The following NSMCE2 variants were observed in gnomAD, a reference collection of about 807,000 sequenced individuals.
NSMCE2 encodes E3 SUMO-protein ligase NSE2.
A neutral mutation model predicts 23.8 loss-of-function variants in NSMCE2; 24 were observed. That is an observed-to-expected ratio of 1.01 (90% confidence interval 0.73 to 1.42). The LOEUF is 1.42. Ranked by LOEUF, NSMCE2 falls within the 40% of genes most tolerant of loss-of-function variation. The pLI, the probability that NSMCE2 is intolerant of heterozygous loss-of-function variation, is 0.00. For missense variants in NSMCE2, 284 were observed against 296.5 expected (o/e 0.96, Z 0.31); for synonymous variants, 92 against 94.1 (o/e 0.98, Z 0.13).
At chr8:125,128,450 A>G (rs1306496836) in intron 3 of NSMCE2, among the ~76,000 whole-genome samples, 2 of 152,184 alleles carry the variant, frequency 1.3e-5, no homozygotes, top group Admixed American at 1.3e-4. Flanking sequence ...AAATTGAGGA[A>G]AAGGAAGAAG....
chr8:125,170,279 T>C (rs1174322210), intron 4 of NSMCE2, among the ~76,000 whole-genome samples: 1 of 151,630 alleles, frequency 6.6e-6, no homozygotes, highest in African/African-American at 2.4e-5. Flanking sequence ...AGTATTACTA[T>C]TCCATTTTTA....
At chr8:125,249,994 T>C (rs1826136848) in intron 5 of NSMCE2, among the ~76,000 whole-genome samples, 1 of 152,192 alleles carries the variant, frequency 6.6e-6, no homozygotes, top group African/African-American at 2.4e-5. Context: ...TACTTATTCA[T>C]TTATTTATTT....
At chr8:125,107,188 CTTTTTTT>C (rs71295817) in intron 3 of NSMCE2, among the ~76,000 whole-genome samples, 2 of 120,032 alleles carry the variant, frequency 1.7e-5, no homozygotes, top group African/African-American at 3.3e-5. Flanking sequence ...CAAGGACATT[CTTTTTTT>C]TTTTTTTTTT....
At chr8:125,153,704 G>C (rs1023592884) in intron 4 of NSMCE2, among the ~76,000 whole-genome samples, 1 of 152,138 alleles carries the variant, frequency 6.6e-6, no homozygotes, top group Non-Finnish European at 1.5e-5. Flanking sequence ...TTTTTTGTCT[G>C]TGAAATTCCT....
chr8:125,353,478 A>C (rs1175938507), intron 5 of NSMCE2, among the ~76,000 whole-genome samples: 1 of 152,188 alleles, frequency 6.6e-6, no homozygotes, highest in Middle Eastern at 3.2e-3. Context: ...TGCACTATGA[A>C]TACCAAAGAC....
rs368633157 is a variant in NSMCE2, at chr8:125,284,700, A to AC, written c.419-72519_419-72518insC. ...TGTTCAGTACTTGAATCTGAATCTA[A>AC]AGAGAGGGCTTTATTGGATCACTAT... On this transcript the variant is annotated intron_variant, in intron 5 of 7. Coordinates refer to ENST00000287437, the MANE Select transcript of NSMCE2 (RefSeq NM_173685.4). Among the ~76,000 whole-genome samples, 666 of 152,348 alleles carry AC rather than the reference A, an allele frequency of 4.4e-3. 3 individuals carry two copies. The highest frequency in any genetic ancestry group is 0.015 in the African/African-American group (640 of 41,580).
chr8:125,326,445 A>G (rs948894480), intron 5 of NSMCE2, among the ~76,000 whole-genome samples: 3 of 152,050 alleles, frequency 2.0e-5, no homozygotes, highest in Admixed American at 6.6e-5. Context: ...GTCTATTTAC[A>G]TATATGTATA....
chr8:125,096,630 A>T (rs1817946288), intron 1 of NSMCE2, among the ~76,000 whole-genome samples: 1 of 118,844 alleles, frequency 8.4e-6, no homozygotes, highest in African/African-American at 3.2e-5. Flanking sequence ...TACTGTGTGG[A>T]ATCCTTTTTT....
chr8:125,265,041 A>G (rs1027492087), intron 5 of NSMCE2, among the ~76,000 whole-genome samples: 1 of 152,072 alleles, frequency 6.6e-6, no homozygotes, highest in African/African-American at 2.4e-5. Flanking sequence ...TAATCAAGTA[A>G]TATTTTATGT....
At chr8:125,280,006 A>T (rs1827630454) in intron 5 of NSMCE2, among the ~76,000 whole-genome samples, 3 of 152,122 alleles carry the variant, frequency 2.0e-5, no homozygotes, top group Non-Finnish European at 4.4e-5. Flanking sequence ...TTCCTTTTGG[A>T]CTATAAATTC....
chr8:125,114,816 A>AC (rs1818920352), intron 3 of NSMCE2, among the ~76,000 whole-genome samples: 1 of 152,236 alleles, frequency 6.6e-6, no homozygotes, highest in Non-Finnish European at 1.5e-5. Flanking sequence ...CACTGGTTTA[A>AC]AAAATCTACT....
intron 5 of NSMCE2, among the ~76,000 whole-genome samples, chr8:125,329,786 A>G (rs1212814290): frequency 6.6e-6 from 1 of 152,332 alleles, no homozygotes; most frequent in South Asian, 2.1e-4. Context: ...AATATTTGCA[A>G]CCTGCCTCAT....
intron 3 of NSMCE2, among the ~76,000 whole-genome samples, chr8:125,132,862 A>G (rs1294298976): frequency 6.6e-6 from 1 of 152,214 alleles, no homozygotes; most frequent in East Asian, 1.9e-4. Flanking sequence ...ATATGAATGT[A>G]AAAGTACAGT....
At chr8:125,192,583 T>C (rs1292111380) in intron 5 of NSMCE2, among the ~76,000 whole-genome samples, 2 of 152,212 alleles carry the variant, frequency 1.3e-5, no homozygotes, top group African/African-American at 4.8e-5. Flanking sequence ...AAATGCATTG[T>C]TGGTGAACAA....
intron 3 of NSMCE2, among the ~76,000 whole-genome samples, chr8:125,133,485 A>G (rs542732834): frequency 6.6e-6 from 1 of 152,198 alleles, no homozygotes; most frequent in Non-Finnish European, 1.5e-5. Flanking sequence ...CATGCCTGCA[A>G]TCCTGACACT....
At chr8:125,137,086 T>A (rs564817375) in intron 3 of NSMCE2, among the ~76,000 whole-genome samples, 457 of 151,692 alleles carry the variant, frequency 3.0e-3, no homozygotes, top group African/African-American at 0.01. Context: ...AAATCAAAAT[T>A]TTTTTTTTAC....
intron 4 of NSMCE2, among the ~76,000 whole-genome samples, chr8:125,171,188 C>T (rs1822188059): frequency 6.6e-6 from 1 of 152,188 alleles, no homozygotes; most frequent in African/African-American, 2.4e-5. Context: ...CAATTGTTCT[C>T]CATGGCACTT....
At chr8:125,366,060 A>T (rs1315733343) in intron 7 of NSMCE2, among the ~76,000 whole-genome samples, 1 of 152,154 alleles carries the variant, frequency 6.6e-6, no homozygotes, top group East Asian at 1.9e-4. Context: ...CCCACGCTTC[A>T]TTCTGGGTCC....
At chr8:125,099,477 A>G (rs900733396) in intron 1 of NSMCE2, among the ~76,000 whole-genome samples, 2 of 152,108 alleles carry the variant, frequency 1.3e-5, no homozygotes, top group African/African-American at 4.8e-5. Context: ...AGAAGCTTGG[A>G]TTCTGAACCT....
Sources: allele counts gnomAD v4.1 joint callset (sites outside exome capture counted in the v4.1 genomes callset), GRCh38; gene constraint gnomAD v4.1.1; transcripts MANE v1.5; gene names NCBI Gene and HGNC (gene_info 2026-07-23, HGNC 2026-07-21).